The following KANK4 variants were observed in gnomAD, a reference collection of about 807,000 sequenced individuals.
KANK4 encodes the protein KN motif and ankyrin repeat domains 4, also known as KN motif and ankyrin repeat domain-containing protein 4.
KANK4 carries 50 observed loss-of-function variants against 80.8 expected under a neutral mutation model. The observed-to-expected ratio is 0.62, with a 90% confidence interval of 0.49 to 0.78. KANK4 has a LOEUF of 0.78. Among genes scored for constraint, KANK4 ranks in the 30% least tolerant of loss-of-function variants. The pLI, the probability that KANK4 is intolerant of heterozygous loss-of-function variation, is 0.00. For missense variants in KANK4, 1,196 were observed against 1,240.1 expected, an observed-to-expected ratio of 0.96 and a Z score of 0.53; for synonymous variants, 465 against 506.9, an observed-to-expected ratio of 0.92 and a Z score of 1.11.
intron 1 of KANK4, among the ~76,000 whole-genome samples, chr1:62,314,606 A>G (rs1299418800): frequency 2.6e-5 from 4 of 151,954 alleles, no homozygotes. Context: ...TTGTCATTTG[A>G]CGTCAGAGCC....
intron 6 of KANK4, among the ~76,000 whole-genome samples, chr1:62,265,579 A>T (rs1295389540): frequency 2.0e-5 from 3 of 152,174 alleles, no homozygotes; most frequent in Admixed American, 6.5e-5. Context: ...TATTTGTCAA[A>T]TCAGCTAAGA....
chr1:62,297,600 G>A (rs141639931), intron 1 of KANK4, among the ~76,000 whole-genome samples: 37 of 152,290 alleles, frequency 2.4e-4, no homozygotes, highest in Non-Finnish European at 4.0e-4. Flanking sequence ...GCAAAGGAAC[G>A]AATCTAGCAT....
chr1:62,312,443 C>T (rs113867775), intron 1 of KANK4, among the ~76,000 whole-genome samples: 2 of 152,188 alleles, frequency 1.3e-5, no homozygotes, highest in Non-Finnish European at 2.9e-5. Context: ...TATACGGGAA[C>T]CCCTTGGGGC....
intron 1 of KANK4, among the ~76,000 whole-genome samples, chr1:62,284,115 G>C (rs530543333): frequency 2.4e-4 from 37 of 152,146 alleles, no homozygotes; most frequent in African/African-American, 8.7e-4. Flanking sequence ...TTCCAGCCCC[G>C]ACTCCCACCC....
chr1:62,301,537 G>A (rs75330868), intron 1 of KANK4, among the ~76,000 whole-genome samples: 11,929 of 152,000 alleles, frequency 0.078, 592 homozygotes, highest in East Asian at 0.14. Flanking sequence ...GGACTAGACC[G>A]GACAGAGGCA....
intron 1 of KANK4, among the ~76,000 whole-genome samples, chr1:62,312,303 T>C (rs1233483633): frequency 6.6e-6 from 1 of 152,158 alleles, no homozygotes; most frequent in Non-Finnish European, 1.5e-5. Context: ...ATATCTGTGA[T>C]TTCTAGTGGT....
At position 62,274,509 on chromosome 1, in the gene KANK4, C is replaced by G; in HGVS notation, c.595G>C (p.Val199Leu). ...ALPPLQGEGS[V>L]CDGTFEPAEG... ...GCAGGTTCAAAGGTGCCATCACAGA[C>G]ACTGCCTTCACCCTGAAGGGGAGGG... The change falls in exon 3 of 10, where the codon GTC becomes CTC. Residue 199 changes from valine to leucine, a missense_variant. This residue lies in a region of KANK4 where 1,154 missense variants were observed against 1,179.6 expected (regional missense o/e 0.98). Transcript: ENST00000371153. The G allele has an allele frequency of 6.2e-7, 1 of 1,614,228 alleles. No individual in the cohort carries two copies. Among genetic ancestry groups the G allele is most frequent in the Non-Finnish European group, 8.5e-7 (1 of 1,180,034 alleles).
chr1:62,297,186 T>C (rs567090527), intron 1 of KANK4, among the ~76,000 whole-genome samples: 1 of 152,168 alleles, frequency 6.6e-6, no homozygotes, highest in South Asian at 2.1e-4. Context: ...CAAGCTGAGA[T>C]TGCACCACTG....
chr1:62,274,978 A>G lies in KANK4; in HGVS notation c.126T>C (p.Tyr42=), dbSNP rs768752268. 1 of 1,614,142 alleles carries G rather than the reference A, an allele frequency of 6.2e-7. No homozygotes were observed. The highest frequency in any genetic ancestry group is 1.7e-5 in the Admixed American group (1 of 60,014). ...GFHLDLDFLK[Y]VDDIEKGNTI... is the part of the protein sequence containing the mutation. ...TGTTTCCCTTCTCGATGTCATCCAC[A>G]TACTTGAGGAAGTCCAGGTCTAAAT... The change falls in exon 3 of 10, where the codon TAT becomes TAC. Residue 42 remains tyrosine (Y), a synonymous_variant. Transcript: ENST00000371153.
At chr1:62,279,930 G>C (rs1672416445) in intron 2 of KANK4, among the ~76,000 whole-genome samples, 1 of 152,186 alleles carries the variant, frequency 6.6e-6, no homozygotes, top group African/African-American at 2.4e-5. Flanking sequence ...CTAGATCCTT[G>C]TATAGGACCT....
intron 4 of KANK4, among the ~76,000 whole-genome samples, chr1:62,270,356 C>A (rs553429037): frequency 6.6e-6 from 1 of 151,734 alleles, no homozygotes; most frequent in African/African-American, 2.4e-5. Flanking sequence ...TCCTGTGACA[C>A]CCAGTTCATC....
chr1:62,271,343 T>C, intron 4 of KANK4, 135 bp downstream of exon 4: 1 of 683,928 alleles, frequency 1.5e-6, no homozygotes. Context: ...AGATGGAGTT[T>C]TAAAGGGCCA....
intron 7 of KANK4, among the ~76,000 whole-genome samples, chr1:62,256,696 T>C (rs1671760922): frequency 6.6e-6 from 1 of 152,128 alleles, no homozygotes; most frequent in Admixed American, 6.6e-5. Flanking sequence ...CCATAATTTT[T>C]CAAACAATTT....
At position 62,319,322 on chromosome 1, in the gene KANK4, C is replaced by T. The variant is rs1333434302; in HGVS notation, c.-287G>A. On this transcript the variant is annotated 5_prime_UTR_variant, in exon 1 of 10. Coordinates refer to ENST00000371153, the MANE Select transcript of KANK4 (RefSeq NM_181712.5). ...GTCTCGGCCCTGGCCCCGGCGCACC[C>T]CTGCGGGCACACCCACCGCGGCGGA... 1.3e-5 allele frequency: 2 copies of T among 152,056 alleles called. No homozygotes were observed. Among genetic ancestry groups the T allele is most frequent in the Non-Finnish European group, 2.9e-5 (2 of 67,968 alleles). The allele number at this position is 152,056 out of a possible 1,614,324, so 9.4% of individuals were successfully genotyped here.
intron 1 of KANK4, among the ~76,000 whole-genome samples, chr1:62,302,972 G>A (rs957439296): frequency 6.6e-6 from 1 of 152,058 alleles, no homozygotes; most frequent in African/African-American, 2.4e-5. Context: ...TTCAAAGTTT[G>A]GCTTTGGCAG....
Position 62,236,690 on chromosome 1 carries a change from G to A in KANK4, c.*1587C>T, listed in dbSNP as rs1481674582. On this transcript the variant is annotated 3_prime_UTR_variant, in exon 10 of 10. Coordinates refer to ENST00000371153, the MANE Select transcript of KANK4 (RefSeq NM_181712.5). ...GCTCACTGAAACCTCCGCCTCCCGG[G>A]TTCAAGTGAGTCTCCTGCCTCAGCC... Among the ~76,000 whole-genome samples the A allele has an allele frequency of 6.6e-6, 1 of 150,792 alleles. No homozygotes were observed. Among genetic ancestry groups the A allele is most frequent in the East Asian group, 1.9e-4 (1 of 5,130 alleles).
intron 7 of KANK4, among the ~76,000 whole-genome samples, chr1:62,254,948 C>T (rs1347674208): frequency 4.1e-5 from 5 of 122,206 alleles, no homozygotes; most frequent in Admixed American, 9.8e-5. Flanking sequence ...TGCAGTGGCG[C>T]GATCTTGGTT....
At chr1:62,308,587 T>C (rs924333812) in intron 1 of KANK4, among the ~76,000 whole-genome samples, 17 of 151,994 alleles carry the variant, frequency 1.1e-4, no homozygotes, top group Non-Finnish European at 1.9e-4. Flanking sequence ...GCTGACATTC[T>C]CAAAAGCCCA....
rs3039730 is a variant in KANK4 at position 62,307,479 on chromosome 1, C to CAAAAA, written c.-71+11622_-71+11626dup. Among the ~76,000 whole-genome samples, 293 of 113,146 alleles carry CAAAAA rather than the reference C, an allele frequency of 2.6e-3. 6 individuals carry two copies. The highest frequency in any genetic ancestry group is 9.3e-3 in the African/African-American group (269 of 28,868). The allele number at this position is 113,146 out of a possible 152,430, so 74.2% of individuals were successfully genotyped here. On this transcript the variant is annotated intron_variant, in intron 1 of 9. Coordinates refer to ENST00000371153, the MANE Select transcript of KANK4 (RefSeq NM_181712.5). ...CCTGGGTGACAGAAAGAGACTCTGC[C>CAAAAA]AAAAAAAAAAAAAAAAAAATTCCTG...
Sources: gnomAD v4.1 joint callset for allele counts (sites outside exome capture counted in the v4.1 genomes callset) on GRCh38, gnomAD v4.1.1 for gene constraint, gnomAD v4.1.1 regional missense constraint, MANE v1.5 for transcripts, NCBI Gene and HGNC (gene_info 2026-07-23, HGNC 2026-07-21) for gene names.